Variants in TUBA4B observed in about 807,000 individuals in gnomAD.
TUBA4B encodes tubulin-like protein alpha-4B.
Under a neutral mutation model 18.4 loss-of-function variants are expected in TUBA4B, and 13 were observed. The observed-to-expected ratio is 0.71, with a 90% CI of 0.46 to 1.12. TUBA4B has a LOEUF of 1.12. Among genes scored for constraint, TUBA4B ranks in the 50% most tolerant of loss-of-function variants. The probability of loss-of-function intolerance (pLI) is 0.00; values close to 1 mark genes in which losing one functional copy is unlikely to be tolerated. For synonymous variants in TUBA4B, 101 were observed against 99.1 expected, an observed-to-expected ratio of 1.02 and a Z score of -0.11; for missense variants, 244 against 250.0, an observed-to-expected ratio of 0.98 and a Z score of 0.16.
At chr2:219,257,685 C>G (rs1341336903) in intron 1 of TUBA4B, among the ~76,000 whole-genome samples, 2 of 135,836 alleles carry the variant, frequency 1.5e-5, no homozygotes, top group African/African-American at 2.7e-5. Flanking sequence ...AAGACAGGAT[C>G]TTGCTCTCTT....
chr2:219,258,391 G>A (rs376437991), intron 1 of TUBA4B, among the ~76,000 whole-genome samples: 2 of 152,116 alleles, frequency 1.3e-5, no homozygotes, highest in East Asian at 3.9e-4. Flanking sequence ...CGCAATCTTG[G>A]CTCGCTGCAA....
intron 1 of TUBA4B, among the ~76,000 whole-genome samples, chr2:219,265,738 G>T (rs190549221): frequency 6.6e-6 from 1 of 152,272 alleles, no homozygotes; most frequent in East Asian, 1.9e-4. Flanking sequence ...TCCTTTTCTG[G>T]GGACATAAGG....
intron 1 of TUBA4B, among the ~76,000 whole-genome samples, chr2:219,265,897 G>C (rs1488333010): frequency 1.3e-5 from 2 of 152,154 alleles, no homozygotes; most frequent in African/African-American, 4.8e-5. Context: ...TTAGTACCTC[G>C]TAATACTACC....
intron 1 of TUBA4B, among the ~76,000 whole-genome samples, chr2:219,256,496 A>C (rs1951720926): frequency 6.6e-6 from 1 of 152,250 alleles, no homozygotes; most frequent in African/African-American, 2.4e-5. Context: ...TGGTAGGCAG[A>C]AGAATGCTAC....
In TUBA4B at chr2:219,271,910, C is replaced by A; in HGVS notation, c.*211C>A. ...AGTGACCTGGTAAAGTGCAACGTGC[C>A]ATGTGCATGCTGAGCAACATGACAG... is the stretch of plus-strand genomic sequence containing the variant. On this transcript the variant is annotated 3_prime_UTR_variant, in exon 4 of 4. Transcript: ENST00000490341. The A allele has an allele frequency of 7.0e-7, 1 of 1,436,650 alleles. No individual in the cohort carries two copies. The highest frequency in any genetic ancestry group is 9.8e-7 in the Non-Finnish European group (1 of 1,018,620). 89.0% of individuals were successfully genotyped at this position (1,436,650 alleles called of 1,614,324 possible). A position where few individuals can be genotyped will look rare whatever the true frequency, so the allele number is the denominator to read the frequency against.
At chr2:219,263,037 A>G (rs1951769128) in intron 1 of TUBA4B, among the ~76,000 whole-genome samples, 2 of 151,982 alleles carry the variant, frequency 1.3e-5, no homozygotes, top group Admixed American at 1.3e-4. Context: ...GCAAAACTCC[A>G]TTCCCCACCC....
At chr2:219,268,031 T>C (rs1028096687) in intron 2 of TUBA4B, among the ~76,000 whole-genome samples, 7 of 151,784 alleles carry the variant, frequency 4.6e-5, no homozygotes, top group African/African-American at 1.5e-4. Flanking sequence ...AGGCAGGTGA[T>C]TGGTGAGCCA....
intron 1 of TUBA4B, among the ~76,000 whole-genome samples, chr2:219,261,330 C>T (rs1951758496): frequency 6.6e-6 from 1 of 152,214 alleles, no homozygotes; most frequent in Non-Finnish European, 1.5e-5. Context: ...CTTCCTCCCA[C>T]ATCTGTTTTT....
intron 1 of TUBA4B, among the ~76,000 whole-genome samples, chr2:219,260,867 G>A (rs1455352914): frequency 2.0e-5 from 3 of 152,060 alleles, no homozygotes. Context: ...CAGCTGCTCG[G>A]GAGGCTGAGG....
At chr2:219,268,136 T>G in intron 2 of TUBA4B, among the ~76,000 whole-genome samples, 1 of 137,952 alleles carries the variant, frequency 7.2e-6, no homozygotes, top group Admixed American at 8.2e-5. Context: ...TGAGATGGAG[T>G]CTCACTCTGT....
chr2:219,261,184 A>G (rs902199426), intron 1 of TUBA4B, among the ~76,000 whole-genome samples: 2 of 152,132 alleles, frequency 1.3e-5, no homozygotes, highest in Admixed American at 6.5e-5. Flanking sequence ...TCATGTCACC[A>G]ATAACTCCAG....
Position 219,272,002 on chromosome 2 carries a change from G to A in TUBA4B, c.*303G>A. 6.6e-7 allele frequency: 1 copy of A among 1,521,354 alleles called. No homozygotes were observed. Among genetic ancestry groups the A allele is most frequent in the Non-Finnish European group, 9.1e-7 (1 of 1,096,452 alleles). The allele number at this position is 1,521,354 out of a possible 1,614,324, so 94.2% of individuals were successfully genotyped here. A position where few individuals can be genotyped will look rare whatever the true frequency, so the allele number is the denominator to read the frequency against. ...CTGATGTATGCCAAGAGGGCGTTTGGGCACTGATATGTGGGTGAGGGCATG... is the reference window on the plus strand; with the variant it reads ...CTGATGTATGCCAAGAGGGCGTTTGAGCACTGATATGTGGGTGAGGGCATG... On this transcript the variant is annotated 3_prime_UTR_variant, in exon 4 of 4. Coordinates refer to ENST00000490341, the MANE Select transcript of TUBA4B (RefSeq NM_001355221.1).
At position 219,270,325 on chromosome 2, in the gene TUBA4B, T is replaced by C. The variant is rs1559282333; in HGVS notation, c.182T>C (p.Ile61Thr). 2 of 736,344 alleles carry C rather than the reference T, an allele frequency of 2.7e-6. No individual in the cohort carries two copies. Among genetic ancestry groups the C allele is most frequent in the Non-Finnish European group, 5.0e-6 (2 of 399,718 alleles). The allele number at this position is 736,344 out of a possible 1,614,324, so 45.6% of individuals were successfully genotyped here. A position where few individuals can be genotyped will look rare whatever the true frequency, so the allele number is the denominator to read the frequency against. Residue 61 changes from isoleucine to threonine, a missense_variant, in exon 3 of 4, where the codon ATT becomes ACT. Physicochemically the swap from Ile to Thr is moderately conservative, Grantham distance 89 (BLOSUM62 -1). Transcript: ENST00000490341. ...TTCATCGACCTGCTACTGGACCGGA[T>C]TCGGAAGCTGGTGAGGAAAGGACTG... is the stretch of plus-strand genomic sequence containing the variant. ...KEFIDLLLDR[I>T]RKLADQCTGL...
intron 1 of TUBA4B, chr2:219,253,957 G>T (rs1396093159): frequency 1.3e-5 from 15 of 1,174,498 alleles, no homozygotes; most frequent in Non-Finnish European, 1.7e-5. Context: ...AGGCGGGGGG[G>T]GGGCGGGGCC....
At chr2:219,253,995 T>G in intron 1 of TUBA4B, 2 of 941,012 alleles carry the variant, frequency 2.1e-6, no homozygotes, top group Non-Finnish European at 2.9e-6. Context: ...CACTAGAGGC[T>G]GGGCGGCCCG....
Position 219,271,217 on chromosome 2 carries a change from CG to C in TUBA4B, c.248del (p.Gly83AlafsTer10), listed in dbSNP as rs1559282530. The C allele has an allele frequency of 1.7e-6, 2 of 1,159,740 alleles. No individual in the cohort carries two copies. Among genetic ancestry groups the C allele is most frequent in the Admixed American group, 3.4e-5 (2 of 59,238 alleles). 71.8% of individuals were successfully genotyped at this position (1,159,740 alleles called of 1,614,324 possible). On this transcript the variant is annotated frameshift_variant, in exon 4 of 4. Coordinates refer to ENST00000490341, the MANE Select transcript of TUBA4B (RefSeq NM_001355221.1). LOFTEE classifies it high-confidence loss of function. ...QGFLVFHSLG[R>X]GTGSDVTSFL... ...CTTCCTGGTGTTCCACAGCCTTGGT[CG>C]GGGCACTGGCTCTGACGTCACCTCA...
intron 1 of TUBA4B, chr2:219,253,704 G>A (rs766919411): frequency 3.1e-6 from 3 of 978,582 alleles, no homozygotes; most frequent in Non-Finnish European, 3.0e-6. Context: ...AAAGTCACCA[G>A]GAGGGGGTTG....
Position 219,271,431 on chromosome 2 carries a change from A to G in TUBA4B, c.458A>G (p.His153Arg), listed in dbSNP as rs3896930. ...VDNKAIYDIC[H>R]CNLDIERPTY... ...AACAAAGCAATCTATGACATCTGCC[A>G]CTGCAACCTAGACATCGAGCGCCCA... The change falls in exon 4 of 4, where the codon CAC (histidine) becomes CGC (arginine). Residue 153 changes from histidine to arginine, a missense_variant. His to Arg is a conservative substitution (Grantham distance 29). Transcript: ENST00000490341. 4.6e-5 allele frequency: 74 copies of G among 1,614,026 alleles called. No individual in the cohort carries two copies. Among genetic ancestry groups the G allele is most frequent in the Middle Eastern group, 1.6e-4 (1 of 6,084 alleles).
intron 1 of TUBA4B, among the ~76,000 whole-genome samples, chr2:219,263,740 C>T (rs1301722706): frequency 1.3e-5 from 2 of 152,182 alleles, no homozygotes; most frequent in Non-Finnish European, 2.9e-5. Context: ...CTTCTTTGGG[C>T]CTCTTTGTTC....
Sources: allele counts gnomAD v4.1 joint callset (sites outside exome capture counted in the v4.1 genomes callset), GRCh38; gene constraint gnomAD v4.1.1; transcripts MANE v1.5; gene names NCBI Gene and HGNC (gene_info 2026-07-23, HGNC 2026-07-21).